UTP6: variants seen among roughly 807,000 people sequenced by gnomAD.
UTP6 encodes UTP6 small subunit processome component.
A neutral mutation model predicts 96.5 loss-of-function variants in UTP6; 60 were observed. That is an observed-to-expected ratio of 0.62 (90% CI 0.51 to 0.77). The LOEUF is 0.77. Among genes scored for constraint, UTP6 ranks in the 30% least tolerant of loss-of-function variants. The pLI is 0.00. For missense variants in UTP6, 637 were observed against 706.5 expected (o/e 0.90, Z 1.12); for synonymous variants, 215 against 240.1 (o/e 0.90, Z 0.96).
intron 12 of UTP6, among the ~76,000 whole-genome samples, 171 bp downstream of exon 12, chr17:31,878,531 C>T (rs979392583): frequency 6.6e-6 from 1 of 152,168 alleles, no homozygotes; most frequent in Non-Finnish European, 1.5e-5. Context: ...CCTAACCTGG[C>T]GGCAAACCAG....
Position 31,894,067 on chromosome 17 carries a change from G to A in UTP6, c.312+578C>T, listed in dbSNP as rs568424832. Among the ~76,000 whole-genome samples, 3 of 151,662 alleles carry A rather than the reference G, an allele frequency of 2.0e-5. No homozygotes were observed. In the South Asian group the frequency reaches 6.2e-4, roughly 32 times the overall value. On this transcript the variant is annotated intron_variant, in intron 4 of 18. Transcript: ENST00000261708. ...GCAGATCACTTGAGCCCAGGAGTTC[G>A]AGACCAGCCTAAAAAACATGACGAA...
At chr17:31,896,834 C>T (rs1348274722) in intron 2 of UTP6, among the ~76,000 whole-genome samples, 1 of 152,028 alleles carries the variant, frequency 6.6e-6, no homozygotes. Flanking sequence ...ATGGGGTTTG[C>T]CATGTTGCCT....
chr17:31,871,597 G>A lies in UTP6; in HGVS notation c.1496+1781C>T, dbSNP rs75072992. Among the ~76,000 whole-genome samples the A allele has an allele frequency of 5.9e-5, 9 of 152,116 alleles. No homozygotes were observed. The East Asian group carries it at 1.7e-3, about 29-fold the overall frequency. On this transcript the variant is annotated intron_variant, in intron 16 of 18. Coordinates refer to ENST00000261708, the MANE Select transcript of UTP6 (RefSeq NM_018428.3). ...ACCCTGACTCTGCAAAAAAATTTAAGAATTAGCGGGGCATCGCCAGGCATG... is the reference window on the plus strand; with the variant it reads ...ACCCTGACTCTGCAAAAAAATTTAAAAATTAGCGGGGCATCGCCAGGCATG...
Position 31,865,357 on chromosome 17 carries a change from T to G in UTP6, c.1636+9A>C, listed in dbSNP as rs201149673. On this transcript the variant is annotated intron_variant, in intron 18 of 18. Transcript: ENST00000261708. ...ATACTAATTGGTCACAAATTAAGGGTTTACTTACCAGAATCTGCGGATCCA... is the reference window on the plus strand; with the variant it reads ...ATACTAATTGGTCACAAATTAAGGGGTTACTTACCAGAATCTGCGGATCCA... 1.1e-5 allele frequency: 18 copies of G among 1,613,512 alleles called. No homozygotes were observed. The highest frequency in any genetic ancestry group is 1.7e-4 in the Middle Eastern group (1 of 6,058).
intron 10 of UTP6, among the ~76,000 whole-genome samples, chr17:31,883,170 T>A (rs1910942806): frequency 6.6e-6 from 1 of 151,770 alleles, no homozygotes; most frequent in Non-Finnish European, 1.5e-5. Context: ...CTCATCTCTA[T>A]AATTAAAAAC....
Position 31,868,219 on chromosome 17 carries a change from AGACTTGACTTCAAATCAATGCAAG to A in UTP6, c.1497-131_1497-108del. ...GCCTCCACAACACATGGTTTAATAA[AGACTTGACTTCAAATCAATGCAAG>A]GACTTGACCTGATGGCCAGTCATTC... is the stretch of plus-strand genomic sequence containing the variant. On this transcript the variant is annotated intron_variant, in intron 16 of 18. Coordinates refer to ENST00000261708, the MANE Select transcript of UTP6 (RefSeq NM_018428.3). 6.2e-6 allele frequency: 6 copies of A among 966,768 alleles called. No individual in the cohort carries two copies. In the South Asian group the frequency reaches 9.8e-5, roughly 16 times the overall value. The allele number at this position is 966,768 out of a possible 1,614,324, so 59.9% of individuals were successfully genotyped here.
intron 13 of UTP6, 73 bp downstream of exon 13, chr17:31,878,177 A>T (rs1203117654): frequency 6.7e-7 from 1 of 1,490,270 alleles, no homozygotes; most frequent in Non-Finnish European, 9.3e-7. Context: ...TATATTTAAA[A>T]CATGACTCTG....
intron 16 of UTP6, among the ~76,000 whole-genome samples, chr17:31,871,050 C>T (rs963100928): frequency 2.7e-5 from 4 of 147,688 alleles, no homozygotes; most frequent in South Asian, 2.1e-4. Flanking sequence ...AATGCAGTGG[C>T]GCGATCTCAG....
chr17:31,886,980 T>C (rs1911181930), intron 8 of UTP6, among the ~76,000 whole-genome samples: 1 of 152,082 alleles, frequency 6.6e-6, no homozygotes, highest in Admixed American at 6.6e-5. Flanking sequence ...ACTAAGTCCA[T>C]TTATAAGTAA....
chr17:31,898,894 C>T (rs1047034113), intron 2 of UTP6, among the ~76,000 whole-genome samples: 2 of 151,786 alleles, frequency 1.3e-5, no homozygotes, highest in East Asian at 1.9e-4. Flanking sequence ...TAGCTGGGTG[C>T]GGTGCCATAC....
In UTP6 at chr17:31,863,006, C is replaced by T. The variant is rs1909609731; in HGVS notation, c.*353G>A. ...GAAACATTTAGGACCTGTGGAAGAT[C>T]GGGCCTCAACATTAAATCAGCAATT... On this transcript the variant is annotated 3_prime_UTR_variant, in exon 19 of 19. Coordinates refer to ENST00000261708, the MANE Select transcript of UTP6 (RefSeq NM_018428.3). The T allele has an allele frequency of 5.3e-6, 1 of 187,770 alleles. No individual in the cohort carries two copies. Among genetic ancestry groups the T allele is most frequent in the Non-Finnish European group, 1.1e-5 (1 of 89,994 alleles). The allele number at this position is 187,770 out of a possible 1,614,324, so 11.6% of individuals were successfully genotyped here.
At chr17:31,876,659 TAAATAA>T (rs996629377) in intron 13 of UTP6, among the ~76,000 whole-genome samples, 3 of 150,054 alleles carry the variant, frequency 2.0e-5, no homozygotes, top group African/African-American at 4.9e-5. Context: ...AAATAATAAA[TAAATAA>T]AAACAAAACA....
Position 31,901,646 on chromosome 17 carries a change from C to G in UTP6, c.-19G>C, listed in dbSNP as rs187992682. ...CTGCCATGAGGTCCGAGGTCTACAA[C>G]CCCGCGGGTAGCTTCTCAACAGCGA... On this transcript the variant is annotated 5_prime_UTR_variant, in exon 1 of 19. Coordinates refer to ENST00000261708, the MANE Select transcript of UTP6 (RefSeq NM_018428.3). The G allele has an allele frequency of 6.2e-7, 1 of 1,611,810 alleles. No homozygotes were observed. Among genetic ancestry groups the G allele is most frequent in the East Asian group, 2.2e-5 (1 of 44,880 alleles).
At chr17:31,867,271 G>A (rs1202555391) in intron 17 of UTP6, among the ~76,000 whole-genome samples, 2 of 152,030 alleles carry the variant, frequency 1.3e-5, no homozygotes, top group East Asian at 1.9e-4. Context: ...ACTTTGGGAG[G>A]CTGAGGGGGG....
At chr17:31,899,926 AAG>A (rs1010650336) in intron 1 of UTP6, among the ~76,000 whole-genome samples, 196 bp from the exon 2 acceptor site, 4 of 152,096 alleles carry the variant, frequency 2.6e-5, no homozygotes, top group African/African-American at 9.7e-5. Flanking sequence ...CGGGTAGATC[AAG>A]AGGTCAAGAG....
At chr17:31,865,041 G>A (rs184771929) in intron 18 of UTP6, among the ~76,000 whole-genome samples, 50 of 151,584 alleles carry the variant, frequency 3.3e-4, no homozygotes, top group African/African-American at 1.2e-3. Flanking sequence ...TTTTTGAGAC[G>A]GAGTTTCACT....
intron 14 of UTP6, among the ~76,000 whole-genome samples, chr17:31,874,644 G>T (rs151182573): frequency 3.5e-4 from 53 of 152,138 alleles, no homozygotes; most frequent in African/African-American, 1.2e-3. Context: ...ACTGCAAAGT[G>T]AATCTGGCCA....
chr17:31,889,069 C>CA (rs375965500), intron 7 of UTP6, among the ~76,000 whole-genome samples: 14,023 of 143,184 alleles, frequency 0.098, 1,180 homozygotes, highest in African/African-American at 0.24. Context: ...AAGACTGTCT[C>CA]AAAAAAAAAA....
At chr17:31,865,542 G>A (rs1237403948) in intron 17 of UTP6, 104 bp from the exon 18 acceptor site, 2 of 1,157,262 alleles carry the variant, frequency 1.7e-6, no homozygotes, top group Non-Finnish European at 2.5e-6. Flanking sequence ...TATTTGAAGG[G>A]AAGAGTTTAA....
Sources: gnomAD v4.1 joint callset for allele counts (sites outside exome capture counted in the v4.1 genomes callset) on GRCh38, gnomAD v4.1.1 for gene constraint, MANE v1.5 for transcripts, NCBI Gene and HGNC (gene_info 2026-07-23, HGNC 2026-07-21) for gene names.